The following RAB27A variants were observed in gnomAD, a reference collection of about 807,000 sequenced individuals.
RAB27A encodes the protein RAB27A, member RAS oncogene family.
In RAB27A, 17 loss-of-function variants were observed where a neutral mutation model predicts 20.8. The ratio of observed to expected loss-of-function variants is 0.82; its 90% confidence interval spans 0.56 to 1.23. The LOEUF (loss-of-function observed/expected upper bound fraction) is 1.23, where lower values mean the gene tolerates loss of function less well. Among genes scored for constraint, RAB27A ranks in the 50% most tolerant of loss-of-function variants. The probability of loss-of-function intolerance (pLI) is 0.00; values close to 1 mark genes in which losing one functional copy is unlikely to be tolerated. For synonymous variants in RAB27A, 85 were observed against 92.8 expected, an observed-to-expected ratio of 0.92 and a Z score of 0.48; for missense variants, 277 against 266.7, an observed-to-expected ratio of 1.04 and a Z score of -0.27.
At chr15:55,262,037 A>C (rs1384784404) in intron 2 of RAB27A, among the ~76,000 whole-genome samples, 6 of 136,090 alleles carry the variant, frequency 4.4e-5, no homozygotes, top group Non-Finnish European at 7.9e-5. Context: ...ACTCCATCCC[A>C]AAAAAAAAAA....
chr15:55,296,332 C>A (rs746147155), intron 2 of RAB27A, among the ~76,000 whole-genome samples: 1 of 151,664 alleles, frequency 6.6e-6, no homozygotes, highest in African/African-American at 2.4e-5. Flanking sequence ...CCCGTCTCTA[C>A]TAAAAATACA....
intron 2 of RAB27A, chr15:55,259,837 T>C (rs1054767234): frequency 1.3e-5 from 2 of 152,222 alleles, no homozygotes; most frequent in African/African-American, 4.8e-5. Context: ...CTGGTCATTT[T>C]GACCATCCCT....
chr15:55,275,259 CAAAA>C (rs59710970), intron 1 of RAB27A, among the ~76,000 whole-genome samples: 1 of 131,098 alleles, frequency 7.6e-6, no homozygotes, highest in African/African-American at 2.8e-5. Context: ...CTAACAACAA[CAAAA>C]AAAAAAAGAC....
intron 1 of RAB27A, among the ~76,000 whole-genome samples, chr15:55,286,410 T>C (rs913587476): frequency 1.3e-5 from 2 of 152,056 alleles, no homozygotes; most frequent in Non-Finnish European, 1.5e-5. Flanking sequence ...GACAGTTCTA[T>C]AAATACTCGA....
chr15:55,220,262 T>G (rs1210876874), intron 6 of RAB27A, among the ~76,000 whole-genome samples: 1 of 117,298 alleles, frequency 8.5e-6, no homozygotes, highest in Non-Finnish European at 1.8e-5. Context: ...TGTTTGTTTT[T>G]GTTTGTTTGT....
At chr15:55,292,453 G>A (rs753825918), upstream of RAB27A, among the ~76,000 whole-genome samples, 3 of 152,220 alleles carry the variant, frequency 2.0e-5, no homozygotes, top group African/African-American at 4.8e-5. Context: ...ATCCAAGTGA[G>A]GGATAATAGC....
chr15:55,211,246 T>G (rs1171866328), intron 6 of RAB27A, among the ~76,000 whole-genome samples: 1 of 152,186 alleles, frequency 6.6e-6, no homozygotes, highest in African/African-American at 2.4e-5. Context: ...GAGGGTCTTT[T>G]GTGGTTCCAT....
At chr15:55,205,899 C>T (rs1894626075) in intron 6 of RAB27A, among the ~76,000 whole-genome samples, 194 bp from the exon 7 acceptor site, 1 of 152,078 alleles carries the variant, frequency 6.6e-6, no homozygotes, top group African/African-American at 2.4e-5. Context: ...ATATGCAAAA[C>T]TGGAAATTTT....
chr15:55,295,822 T>C (rs1449446234), intron 2 of RAB27A, among the ~76,000 whole-genome samples: 1 of 152,114 alleles, frequency 6.6e-6, no homozygotes, highest in African/African-American at 2.4e-5. Context: ...CACAGAATTG[T>C]ACACTTTAAA....
intron 5 of RAB27A, 121 bp from the exon 6 acceptor site, chr15:55,224,133 T>C: frequency 1.3e-6 from 1 of 750,192 alleles, no homozygotes; most frequent in Non-Finnish European, 2.2e-6. Context: ...GGAATTGACA[T>C]AATGCTTTCA....
chr15:55,312,158 G>A (rs1024264778), intron 2 of RAB27A, among the ~76,000 whole-genome samples: 9 of 152,220 alleles, frequency 5.9e-5, no homozygotes, highest in Non-Finnish European at 1.3e-4. Flanking sequence ...AGTGGCAATG[G>A]GCGCCTCGCT....
At chr15:55,277,970 A>C (rs1422168244) in intron 1 of RAB27A, among the ~76,000 whole-genome samples, 2 of 152,314 alleles carry the variant, frequency 1.3e-5, no homozygotes, top group Non-Finnish European at 2.9e-5. Context: ...TCTGCTTTGA[A>C]AGATTGTTGA....
At chr15:55,213,813 A>G (rs556616710) in intron 6 of RAB27A, among the ~76,000 whole-genome samples, 1 of 152,328 alleles carries the variant, frequency 6.6e-6, no homozygotes, top group East Asian at 1.9e-4. Flanking sequence ...CACTGATTCT[A>G]CATTATGGTG....
intron 6 of RAB27A, among the ~76,000 whole-genome samples, chr15:55,216,460 A>G (rs12442180): frequency 0.12 from 18,649 of 152,098 alleles, 1,434 homozygotes; most frequent in Admixed American, 0.2. Flanking sequence ...TGAACACAGG[A>G]GGCAGAGGTT....
chr15:55,255,510 T>A (rs1018833928), intron 2 of RAB27A, among the ~76,000 whole-genome samples: 20 of 152,210 alleles, frequency 1.3e-4, no homozygotes, highest in African/African-American at 4.6e-4. Flanking sequence ...CAAATGCTAA[T>A]TGTGTCTATC....
upstream of RAB27A, among the ~76,000 whole-genome samples, chr15:55,294,600 A>G (rs989655354): frequency 2.0e-5 from 3 of 150,662 alleles, no homozygotes; most frequent in African/African-American, 7.3e-5. Flanking sequence ...AAAAAAAAAA[A>G]AAAAAAAAAA....
At position 55,304,862 on chromosome 15, in the gene RAB27A, A is replaced by G. The variant is rs147764031; in HGVS notation, c.-112+9177T>C. On this transcript the variant is annotated intron_variant, in intron 2 of 5. Transcript: ENST00000563262. Reference sequence around the variant, plus strand: ...ATATATATATATATGGTGTGTGTGTATTTTGTTTGGTTTTGTTTTTGCAGT... The same window carrying G: ...ATATATATATATATGGTGTGTGTGTGTTTTGTTTGGTTTTGTTTTTGCAGT... 3.3e-3 allele frequency among the ~76,000 whole-genome samples: 497 copies of G among 151,418 alleles called. 1 individual carries two copies. Among genetic ancestry groups the G allele is most frequent in the African/African-American group, 0.011 (471 of 41,256 alleles).
intron 2 of RAB27A, among the ~76,000 whole-genome samples, chr15:55,311,218 T>C (rs2055019264): frequency 6.6e-6 from 1 of 152,238 alleles, no homozygotes; most frequent in African/African-American, 2.4e-5. Context: ...GCAGTAACAT[T>C]GTATCTCTCC....
chr15:55,301,349 C>T (rs748073329), intron 2 of RAB27A, among the ~76,000 whole-genome samples: 5 of 152,246 alleles, frequency 3.3e-5, no homozygotes, highest in Non-Finnish European at 7.4e-5. Context: ...GGATTATAGA[C>T]TACCACAAGA....
Sources: gnomAD v4.1 joint callset for allele counts (sites outside exome capture counted in the v4.1 genomes callset) on GRCh38, gnomAD v4.1.1 for gene constraint, MANE v1.5 for transcripts, NCBI Gene and HGNC (gene_info 2026-07-23, HGNC 2026-07-21) for gene names.